Variants in PRMT8 observed in about 807,000 individuals in gnomAD.
PRMT8 encodes the protein protein arginine N-methyltransferase 8.
PRMT8 carries 7 observed loss-of-function variants against 47.1 expected under a neutral mutation model. The ratio of observed to expected loss-of-function variants is 0.15; its 90% CI spans 0.08 to 0.28. The LOEUF is 0.28. PRMT8 is among the 10% of genes least tolerant of loss of function. PRMT8 has a pLI of 1.00. For synonymous variants in PRMT8, 188 were observed against 186.5 expected (o/e 1.01, Z -0.07); for missense variants, 237 against 505.4 (o/e 0.47, Z 5.09).
chr12:3,561,459 C>T (rs368338593), intron 4 of PRMT8, among the ~76,000 whole-genome samples: 25 of 152,126 alleles, frequency 1.6e-4, no homozygotes, highest in African/African-American at 5.3e-4. Flanking sequence ...ATATTCAACA[C>T]CAAGTTGTTA....
intron 1 of PRMT8, among the ~76,000 whole-genome samples, chr12:3,389,488 G>A (rs1864171875): frequency 1.3e-5 from 2 of 152,090 alleles, no homozygotes; most frequent in African/African-American, 4.8e-5. Context: ...CCTTCACTGG[G>A]TTGTTCATTC....
In PRMT8 at chr12:3,496,212, A is replaced by T. The variant is rs868855308; in HGVS notation, c.75+4512A>T. ...ACTTTGGAAACTGATATATATATAT[A>T]TATTTTTTTTTTTTTTTTTTTTTTT... On this transcript the variant is annotated intron_variant, in intron 1 of 9. Coordinates refer to ENST00000382622, the MANE Select transcript of PRMT8 (RefSeq NM_019854.5). Among the ~76,000 whole-genome samples, 28 of 19,382 alleles carry T rather than the reference A, an allele frequency of 1.4e-3. No individual in the cohort carries two copies. In the South Asian group the frequency reaches 0.017, roughly 12 times the overall value. The allele number at this position is 19,382 out of a possible 152,430, so 12.7% of individuals were successfully genotyped here.
chr12:3,449,086 C>CA (rs779669105), intron 1 of PRMT8, among the ~76,000 whole-genome samples: 11 of 152,314 alleles, frequency 7.2e-5, no homozygotes, highest in Non-Finnish European at 1.2e-4. Flanking sequence ...TTTATGGCTG[C>CA]ATAGTATTCT....
At chr12:3,397,551 G>A (rs557863833) in intron 1 of PRMT8, among the ~76,000 whole-genome samples, 186 of 151,478 alleles carry the variant, frequency 1.2e-3, no homozygotes, top group East Asian at 8.8e-3. Context: ...ACCCACTTGA[G>A]GAGGCAGTCT....
intron 1 of PRMT8, among the ~76,000 whole-genome samples, chr12:3,530,038 GTTC>G (rs1866005736): frequency 6.6e-6 from 1 of 152,184 alleles, no homozygotes; most frequent in Non-Finnish European, 1.5e-5. Context: ...TGCAAGATAT[GTTC>G]TTCTCCTAGA....
chr12:3,447,154 A>T (rs1439554709), intron 1 of PRMT8, among the ~76,000 whole-genome samples: 1 of 152,170 alleles, frequency 6.6e-6, no homozygotes, highest in Admixed American at 6.5e-5. Flanking sequence ...TGGAAGGGGA[A>T]GGGGTGGCAG....
chr12:3,518,135 TAGAGGAC>T (rs1276759789), intron 1 of PRMT8, among the ~76,000 whole-genome samples: 1 of 151,484 alleles, frequency 6.6e-6, no homozygotes, highest in East Asian at 1.9e-4. Context: ...TGTCACAAAG[TAGAGGAC>T]AGGGAGACTG....
intron 1 of PRMT8, among the ~76,000 whole-genome samples, chr12:3,461,054 G>C (rs956344750): frequency 6.6e-6 from 1 of 152,100 alleles, no homozygotes; most frequent in Admixed American, 6.5e-5. Context: ...GCTGGTGCAG[G>C]CAGTTTTCAG....
In PRMT8 at chr12:3,514,268, A is replaced by G. The variant is rs1302038338; in HGVS notation, c.75+22568A>G. Among the ~76,000 whole-genome samples, 1 of 149,138 alleles carries G rather than the reference A, an allele frequency of 6.7e-6. No homozygotes were observed. On this transcript the variant is annotated intron_variant, in intron 1 of 9. Transcript: ENST00000382622. The surrounding 1 kb of genome is among the most constrained non-coding windows in gnomAD (Gnocchi z 5.9). ...CTCTTTTGTTCACCACAGAATACTGAGCACTTCTGGTTCCTCTGAGGTTGG... is the reference window on the plus strand; with the variant it reads ...CTCTTTTGTTCACCACAGAATACTGGGCACTTCTGGTTCCTCTGAGGTTGG...
intron 1 of PRMT8, among the ~76,000 whole-genome samples, chr12:3,400,933 G>A (rs939040288): frequency 1.3e-5 from 2 of 152,028 alleles, no homozygotes; most frequent in Non-Finnish European, 2.9e-5. Flanking sequence ...GATCACCTGA[G>A]GTCAGGAGTT....
intron 1 of PRMT8, among the ~76,000 whole-genome samples, chr12:3,414,712 T>C (rs1328492278): frequency 1.3e-5 from 2 of 152,072 alleles, no homozygotes; most frequent in African/African-American, 4.8e-5. Flanking sequence ...GAAGAGGCTC[T>C]TGGTGGGATG....
chr12:3,510,619 CA>C (rs1389504038), intron 1 of PRMT8, among the ~76,000 whole-genome samples: 2 of 151,962 alleles, frequency 1.3e-5, no homozygotes, highest in Non-Finnish European at 2.9e-5. Context: ...TAAAGAAAAC[CA>C]AACTAATGGC....
rs1864403664 is a variant in PRMT8, at chr12:3,409,341, C to G, written c.48+27899C>G. On this transcript the variant is annotated intron_variant, in intron 1 of 9. Coordinates refer to the PRMT8 transcript ENST00000452611. This position sits in a 1 kb window ranked among gnomAD's most constrained non-coding sequence, Gnocchi z 4.4. ...GCAGAACACAGCTGTAATTCAGGAG[C>G]TGGAGCCAATAGGTCACAGCAGCAA... Among the ~76,000 whole-genome samples the G allele has an allele frequency of 6.6e-6, 1 of 152,148 alleles. No homozygotes were observed.
intron 2 of PRMT8, among the ~76,000 whole-genome samples, chr12:3,549,672 A>G (rs1866384054): frequency 6.6e-6 from 1 of 152,224 alleles, no homozygotes; most frequent in Admixed American, 6.5e-5. Context: ...TTAGTAAATC[A>G]GAGCTTTCCC....
chr12:3,435,309 G>C (rs1478513580), intron 1 of PRMT8, among the ~76,000 whole-genome samples: 1 of 152,044 alleles, frequency 6.6e-6, no homozygotes, highest in African/African-American at 2.4e-5. Flanking sequence ...CGTTGAGCTG[G>C]TGAGTTGAAG....
At chr12:3,392,563 A>G (rs2137046284) in intron 1 of PRMT8, among the ~76,000 whole-genome samples, 1 of 151,258 alleles carries the variant, frequency 6.6e-6, no homozygotes, top group South Asian at 2.1e-4. Context: ...ATGGCTGCAT[A>G]GTATTCCATG....
chr12:3,544,093 TG>T (rs1866283061), intron 2 of PRMT8, among the ~76,000 whole-genome samples: 1 of 152,228 alleles, frequency 6.6e-6, no homozygotes, highest in African/African-American at 2.4e-5. Flanking sequence ...TCCAACAATT[TG>T]TCAATGGGCA....
chr12:3,463,920 G>A (rs78665480), intron 1 of PRMT8, among the ~76,000 whole-genome samples: 11,856 of 152,250 alleles, frequency 0.078, 524 homozygotes, highest in Non-Finnish European at 0.1. Context: ...TAATGCTTCC[G>A]TCTTGAGGAT....
At chr12:3,490,233 C>T (rs1023934348), upstream of PRMT8, among the ~76,000 whole-genome samples, 11 of 152,122 alleles carry the variant, frequency 7.2e-5, no homozygotes, top group African/African-American at 2.7e-4. Context: ...AGGAGTCAGC[C>T]TGAGTGTCCT....
Sources: allele counts gnomAD v4.1 joint callset (sites outside exome capture counted in the v4.1 genomes callset), GRCh38; gene constraint gnomAD v4.1.1; non-coding constraint Gnocchi (gnomAD v3.1); transcripts MANE v1.5; gene names NCBI Gene and HGNC (gene_info 2026-07-23, HGNC 2026-07-21).